The following AIMP1 variants were observed in gnomAD, a reference collection of about 807,000 sequenced individuals.
AIMP1 encodes the protein aminoacyl tRNA synthase complex-interacting multifunctional protein 1.
AIMP1 carries 24 observed loss-of-function variants against 33.1 expected under a neutral mutation model. The observed-to-expected ratio is 0.73, with a 90% CI of 0.53 to 1.02. The LOEUF (loss-of-function observed/expected upper bound fraction) is 1.02, where lower values mean the gene tolerates loss of function less well. Among genes scored for constraint, AIMP1 ranks in the 50% least tolerant of loss-of-function variants. AIMP1 has a pLI of 0.00. For missense variants in AIMP1, 367 were observed against 364.8 expected (o/e 1.01, Z -0.05); for synonymous variants, 120 against 121.5 (o/e 0.99, Z 0.08).
At chr4:106,334,492 T>G (rs1240075016) in intron 5 of AIMP1, among the ~76,000 whole-genome samples, 1 of 152,082 alleles carries the variant, frequency 6.6e-6, no homozygotes, top group African/African-American at 2.4e-5. Flanking sequence ...CTCAAACTCC[T>G]GACCTCAGGT....
At chr4:106,341,994 T>C (rs967190030) in intron 6 of AIMP1, among the ~76,000 whole-genome samples, 22 of 152,278 alleles carry the variant, frequency 1.4e-4, no homozygotes, top group African/African-American at 4.8e-4. Context: ...GTTCTCCTTG[T>C]AGAGATCTTT....
chr4:106,316,685 A>G (rs955192419), intron 1 of AIMP1, 91 bp downstream of exon 1: 23 of 1,300,320 alleles, frequency 1.8e-5, no homozygotes, highest in Admixed American at 4.1e-5. Flanking sequence ...AGGAGAGAGG[A>G]CCTGGCCTGC....
At chr4:106,344,871 A>G (rs192840146) in intron 6 of AIMP1, among the ~76,000 whole-genome samples, 1 of 151,972 alleles carries the variant, frequency 6.6e-6, no homozygotes, top group African/African-American at 2.4e-5. Flanking sequence ...TTTAGTTGGT[A>G]TTTTTCTTAA....
chr4:106,327,962 A>T lies in AIMP1; in HGVS notation c.224-114A>T. On this transcript the variant is annotated intron_variant, in intron 3 of 6. Transcript: ENST00000672341. ...CTCAGACAGTGGATATTTGATAGCC[A>T]TATACAGTGAATTTTTCATTTAAAA... is the stretch of plus-strand genomic sequence containing the variant. The T allele has an allele frequency of 2.7e-6, 4 of 1,463,088 alleles. No homozygotes were observed. The South Asian group carries it at 3.7e-5, about 13-fold the overall frequency. The allele number at this position is 1,463,088 out of a possible 1,614,324, so 90.6% of individuals were successfully genotyped here.
At chr4:106,334,861 T>C (rs544544932) in intron 5 of AIMP1, among the ~76,000 whole-genome samples, 1 of 152,154 alleles carries the variant, frequency 6.6e-6, no homozygotes, top group African/African-American at 2.4e-5. Context: ...CTGGGAGAAA[T>C]GGATGGCTGG....
Position 106,336,947 on chromosome 4 carries a change from A to G in AIMP1, c.682A>G (p.Met228Val). Reference protein sequence around the residue: ...MRGVLSQAMVMCASSPEKIEI... With the variant: ...MRGVLSQAMVVCASSPEKIEI... ...GGGAGTATTATCTCAAGCAATGGTC[A>G]TGTGTGCTAGTTCACCAGAGAAAAT... is the stretch of plus-strand genomic sequence containing the variant. The change falls in exon 6 of 7, where the codon ATG becomes GTG. Residue 228 changes from methionine to valine, a missense_variant. By Grantham distance (21) the Met-to-Val change is conservative. Transcript: ENST00000672341. 6.2e-7 allele frequency: 1 copy of G among 1,614,040 alleles called. No individual in the cohort carries two copies. Among genetic ancestry groups the G allele is most frequent in the East Asian group, 2.2e-5 (1 of 44,846 alleles).
chr4:106,332,337 T>C (rs1769714698), intron 5 of AIMP1, among the ~76,000 whole-genome samples: 1 of 151,892 alleles, frequency 6.6e-6, no homozygotes, highest in African/African-American at 2.4e-5. Context: ...TTTTGGGTTT[T>C]AGAGAAATAA....
intron 4 of AIMP1, among the ~76,000 whole-genome samples, chr4:106,329,695 G>A (rs1769593914): frequency 6.7e-6 from 1 of 150,118 alleles, no homozygotes; most frequent in Admixed American, 6.6e-5. Context: ...TAGGTGTTTA[G>A]CTGCTAGCTA....
In AIMP1 at chr4:106,331,692, C is replaced by T; in HGVS notation, c.412C>T (p.Gln138Ter). The T allele has an allele frequency of 6.2e-7, 1 of 1,614,016 alleles. No individual in the cohort carries two copies. Among genetic ancestry groups the T allele is most frequent in the Non-Finnish European group, 8.5e-7 (1 of 1,179,944 alleles). ...EKKGEKKEKK[Q>*]QSIAGSADSK... is the part of the protein sequence containing the mutation. ...TTTAGGAGAGAAGAAGGAGAAAAAA[C>T]AGCAATCAATAGCTGGAAGTGCCGA... Residue 138 changes from glutamine (Q) to a stop codon, truncating the protein, a stop_gained, in exon 5 of 7, where the codon CAG (glutamine) becomes TAG (stop). Coordinates refer to ENST00000672341, the MANE Select transcript of AIMP1 (RefSeq NM_001142416.2). LOFTEE classifies it high-confidence loss of function.
intron 5 of AIMP1, among the ~76,000 whole-genome samples, chr4:106,335,171 A>G (rs1769827222): frequency 6.6e-6 from 1 of 152,160 alleles, no homozygotes; most frequent in Non-Finnish European, 1.5e-5. Context: ...TGGCATATGC[A>G]TGTGCTTTTT....
chr4:106,324,901 C>A, intron 1 of AIMP1, 84 bp from the exon 2 acceptor site: 1 of 1,156,804 alleles, frequency 8.6e-7, no homozygotes, highest in Non-Finnish European at 1.2e-6. Context: ...AATGTTTTTC[C>A]TTTCAGACTG....
intron 6 of AIMP1, 63 bp downstream of exon 6, chr4:106,337,100 T>C: frequency 3.5e-6 from 5 of 1,415,182 alleles, no homozygotes; most frequent in Non-Finnish European, 5.0e-6. Context: ...ATGTTTGTAA[T>C]GCTTAAAGGT....
intron 5 of AIMP1, among the ~76,000 whole-genome samples, chr4:106,335,056 G>A (rs960350576): frequency 6.6e-6 from 1 of 152,206 alleles, no homozygotes; most frequent in Admixed American, 6.5e-5. Context: ...ACATTGGTCA[G>A]CCTGACATTT....
At chr4:106,340,652 A>G (rs577777969) in intron 6 of AIMP1, among the ~76,000 whole-genome samples, 2 of 152,344 alleles carry the variant, frequency 1.3e-5, no homozygotes, top group Admixed American at 6.5e-5. Context: ...GGTATTCCAT[A>G]GTACATGTGT....
In AIMP1 at chr4:106,331,820, T is replaced by C. The variant is rs1167312266; in HGVS notation, c.540T>C (p.Asp180=). The change falls in exon 5 of 7, where the codon GAT becomes GAC. Residue 180 remains aspartate (D), a synonymous_variant. Coordinates refer to ENST00000672341, the MANE Select transcript of AIMP1 (RefSeq NM_001142416.2). ...ATTCTTTGTATGTGGAAGAAGTAGA[T>C]GTCGGAGAAATAGCCCCAAGGACAG... ...DADSLYVEEV[D]VGEIAPRTVV... 6.2e-7 allele frequency: 1 copy of C among 1,614,154 alleles called. No individual in the cohort carries two copies. Among genetic ancestry groups the C allele is most frequent in the East Asian group, 2.2e-5 (1 of 44,874 alleles).
At chr4:106,347,341 A>AT (rs1770342717) in intron 6 of AIMP1, among the ~76,000 whole-genome samples, 185 bp from the exon 7 acceptor site, 1 of 152,290 alleles carries the variant, frequency 6.6e-6, no homozygotes, top group African/African-American at 2.4e-5. Flanking sequence ...CAACGATTTT[A>AT]TTTTACCAAT....
chr4:106,317,558 G>C (rs1308051892), intron 1 of AIMP1, among the ~76,000 whole-genome samples: 1 of 152,170 alleles, frequency 6.6e-6, no homozygotes, highest in African/African-American at 2.4e-5. Context: ...AAGCATAATG[G>C]TGGTTTGACT....
Position 106,336,864 on chromosome 4 carries a change from C to A in AIMP1, c.604-5C>A. On this transcript the variant is annotated splice_polypyrimidine_tract_variant and splice_region_variant and intron_variant, in intron 5 of 6. Coordinates refer to ENST00000672341, the MANE Select transcript of AIMP1 (RefSeq NM_001142416.2). ...TCTTTACTTACCAGTTTATATTTCA[C>A]ACAGATGCAAAATCGGATGGTGATT... 1 of 1,613,748 alleles carries A rather than the reference C, an allele frequency of 6.2e-7. No individual in the cohort carries two copies. The highest frequency in any genetic ancestry group is 1.7e-4 in the Middle Eastern group (1 of 6,056).
chr4:106,330,660 TAA>T (rs1167260841), intron 4 of AIMP1, among the ~76,000 whole-genome samples: 9 of 152,244 alleles, frequency 5.9e-5, no homozygotes, highest in Non-Finnish European at 8.8e-5. Flanking sequence ...CTGTCTTCTT[TAA>T]AAGAGATTTT....
Sources: allele counts gnomAD v4.1 joint callset (sites outside exome capture counted in the v4.1 genomes callset), GRCh38; gene constraint gnomAD v4.1.1; transcripts MANE v1.5; gene names NCBI Gene and HGNC (gene_info 2026-07-23, HGNC 2026-07-21).